MUSK: variants seen among roughly 807,000 people sequenced by gnomAD.
MUSK encodes muscle, skeletal receptor tyrosine-protein kinase.
MUSK carries 55 observed loss-of-function variants against 88.7 expected under a neutral mutation model. That is an observed-to-expected ratio of 0.62 (90% CI 0.50 to 0.78). The LOEUF is 0.78. Among genes scored for constraint, MUSK ranks in the 30% least tolerant of loss-of-function variants. The pLI, the probability that MUSK is intolerant of heterozygous loss-of-function variation, is 0.00. For missense variants in MUSK, 1,015 were observed against 1,074.3 expected (o/e 0.94, Z 0.77); for synonymous variants, 387 against 391.9 (o/e 0.99, Z 0.15).
chr9:110,728,824 T>A, intron 5 of MUSK: 1 of 823,954 alleles, frequency 1.2e-6, no homozygotes, highest in Non-Finnish European at 1.8e-6. Flanking sequence ...TTTAAAGAAA[T>A]AACAAACAAT....
At chr9:110,775,450 T>G in intron 9 of MUSK, 1 of 311,938 alleles carries the variant, frequency 3.2e-6, no homozygotes, top group South Asian at 3.0e-5. Context: ...TCTGTATACC[T>G]TTTTCCTCTA....
At chr9:110,688,708 T>G (rs931970972) in intron 3 of MUSK, among the ~76,000 whole-genome samples, 1 of 151,900 alleles carries the variant, frequency 6.6e-6, no homozygotes, top group African/African-American at 2.4e-5. Context: ...AGTGAGAACA[T>G]GCAGTGTTTG....
intron 3 of MUSK, among the ~76,000 whole-genome samples, chr9:110,689,744 T>G (rs1314551681): frequency 5.7e-4 from 5 of 8,794 alleles, no homozygotes; most frequent in African/African-American, 2.8e-3. Flanking sequence ...TATATAATAT[T>G]ATATATTATA....
chr9:110,763,797 G>T (rs1371615741), intron 8 of MUSK, among the ~76,000 whole-genome samples: 3 of 152,138 alleles, frequency 2.0e-5, no homozygotes, highest in Admixed American at 2.0e-4. Flanking sequence ...ATGCCCTTGG[G>T]ACAAAATATT....
At chr9:110,741,516 G>A (rs1044726131) in intron 6 of MUSK, among the ~76,000 whole-genome samples, 2 of 151,976 alleles carry the variant, frequency 1.3e-5, no homozygotes, top group East Asian at 3.9e-4. Flanking sequence ...TGAAATTTTA[G>A]TTGGATGTTG....
intron 3 of MUSK, among the ~76,000 whole-genome samples, chr9:110,691,238 C>T (rs116655042): frequency 1.2e-3 from 182 of 152,194 alleles, no homozygotes; most frequent in African/African-American, 4.1e-3. Flanking sequence ...CATTTAAAAT[C>T]TTCAGCTTCA....
intron 11 of MUSK, among the ~76,000 whole-genome samples, chr9:110,779,445 A>G (rs73542154): frequency 0.029 from 4,369 of 152,174 alleles, 218 homozygotes; most frequent in African/African-American, 0.1. Context: ...CAGGCACTCA[A>G]TCTCTCTGTA....
Position 110,669,212 on chromosome 9 carries a change from T to C in MUSK, c.79+229T>C, listed in dbSNP as rs142165525. On this transcript the variant is annotated intron_variant, in intron 1 of 14. Coordinates refer to ENST00000374448, the MANE Select transcript of MUSK (RefSeq NM_005592.4). ...TGCAATAAAAGGCTTAGCCACATAG[T>C]GCATGCAGAGCTCTGACTTCTAGGG... Among the ~76,000 whole-genome samples the C allele has an allele frequency of 2.7e-4, 41 of 152,302 alleles. 2 individuals carry two copies. The East Asian group carries it at 6.6e-3, about 24-fold the overall frequency.
At position 110,761,679 on chromosome 9, in the gene MUSK, C is replaced by T. The variant is rs2077403356; in HGVS notation, c.914-523C>T. On this transcript the variant is annotated intron_variant, in intron 7 of 14. Coordinates refer to ENST00000374448, the MANE Select transcript of MUSK (RefSeq NM_005592.4). Reference sequence around the variant, plus strand: ...GGCTCCGCCCCCCGGGGGTTCACGCCATTCTCCTGCCTCAGCCTCCCACGT... The same window carrying T: ...GGCTCCGCCCCCCGGGGGTTCACGCTATTCTCCTGCCTCAGCCTCCCACGT... Among the ~76,000 whole-genome samples, 4 of 150,696 alleles carry T rather than the reference C, an allele frequency of 2.7e-5. No individual in the cohort carries two copies. The South Asian group carries it at 8.4e-4, about 32-fold the overall frequency.
chr9:110,681,969 C>T (rs966046576), intron 1 of MUSK, among the ~76,000 whole-genome samples: 31 of 152,090 alleles, frequency 2.0e-4, no homozygotes, highest in Admixed American at 1.1e-3. Flanking sequence ...AAAGAAAGGA[C>T]GATGTCTATA....
chr9:110,742,614 TTC>T (rs1476495957), intron 6 of MUSK, among the ~76,000 whole-genome samples: 2 of 152,212 alleles, frequency 1.3e-5, no homozygotes, highest in Non-Finnish European at 2.9e-5. Context: ...TAAATGATTA[TTC>T]TCTGTCGAAG....
intron 5 of MUSK, chr9:110,706,125 A>T: frequency 1.9e-6 from 1 of 530,198 alleles, no homozygotes; most frequent in Non-Finnish European, 3.9e-6. Flanking sequence ...TCCAGCTAAG[A>T]TCGTTCCTTA....
intron 7 of MUSK, among the ~76,000 whole-genome samples, chr9:110,756,425 C>A (rs1158057071): frequency 2.0e-5 from 3 of 151,930 alleles, no homozygotes; most frequent in Non-Finnish European, 4.4e-5. Flanking sequence ...ATAGCATCCA[C>A]TGAACACACA....
chr9:110,720,212 A>G (rs1204691357), intron 5 of MUSK, among the ~76,000 whole-genome samples: 1 of 151,992 alleles, frequency 6.6e-6, no homozygotes, highest in Admixed American at 6.6e-5. Context: ...TCTAAACACA[A>G]ATGCAGAAGA....
chr9:110,722,175 G>A (rs1030163304), intron 5 of MUSK, among the ~76,000 whole-genome samples: 5 of 152,122 alleles, frequency 3.3e-5, no homozygotes, highest in Non-Finnish European at 7.3e-5. Context: ...TCTAGACATT[G>A]GCTTAGGCAA....
At chr9:110,752,808 T>C (rs968357212) in intron 7 of MUSK, among the ~76,000 whole-genome samples, 2 of 152,246 alleles carry the variant, frequency 1.3e-5, no homozygotes, top group African/African-American at 4.8e-5. Context: ...CTTCCATGTG[T>C]CTGCCCAAAT....
Position 110,785,687 on chromosome 9 carries a change from G to A in MUSK, c.1747G>A (p.Glu583Lys). Residue 583 changes from glutamate to lysine, a missense_variant, in exon 13 of 15, where the codon GAG (glutamate) becomes AAG (lysine). Coordinates refer to ENST00000374448, the MANE Select transcript of MUSK (RefSeq NM_005592.4). ...CATTGAATATGTGAGAGACATCGGA[G>A]AGGGAGCGTTTGGAAGGGTGTTTCA... ...NNIEYVRDIG[E>K]GAFGRVFQAR... 2.5e-6 allele frequency: 4 copies of A among 1,608,792 alleles called. No homozygotes were observed. Among genetic ancestry groups the A allele is most frequent in the Non-Finnish European group, 3.4e-6 (4 of 1,176,922 alleles).
intron 11 of MUSK, among the ~76,000 whole-genome samples, chr9:110,778,646 T>C (rs769776499): frequency 6.6e-6 from 1 of 152,052 alleles, no homozygotes; most frequent in African/African-American, 2.4e-5. Flanking sequence ...GATTAAGCAA[T>C]GTGTCCAATT....
At chr9:110,741,389 G>T (rs892563574) in intron 6 of MUSK, among the ~76,000 whole-genome samples, 1 of 152,038 alleles carries the variant, frequency 6.6e-6, no homozygotes, top group Admixed American at 6.6e-5. Context: ...TCTAAAGCAG[G>T]GTGCCCTAGG....
Sources: allele counts gnomAD v4.1 joint callset (sites outside exome capture counted in the v4.1 genomes callset), GRCh38; gene constraint gnomAD v4.1.1; transcripts MANE v1.5; gene names NCBI Gene and HGNC (gene_info 2026-07-23, HGNC 2026-07-21).